CROCC2: variants seen among roughly 807,000 people sequenced by gnomAD.
CROCC2 encodes the protein ciliary rootlet coiled-coil protein 2.
CROCC2 carries 163 observed loss-of-function variants against 177.6 expected under a neutral mutation model. The ratio of observed to expected loss-of-function variants is 0.92; its 90% CI spans 0.81 to 1.05. The LOEUF (loss-of-function observed/expected upper bound fraction) is 1.05. Ranked by LOEUF, CROCC2 falls within the 50% of genes least tolerant of loss-of-function variation. The pLI is 0.00. For synonymous variants in CROCC2, 904 were observed against 787.3 expected (o/e 1.15, Z -2.48); for missense variants, 1,929 against 1,797.8 (o/e 1.07, Z -1.32).
chr2:240,918,593 C>T lies in CROCC2; in HGVS notation c.79-133C>T, dbSNP rs552830014. On this transcript the variant is annotated intron_variant, in intron 1 of 31. Transcript: ENST00000690015. The surrounding 1 kb of genome is among the most constrained non-coding windows in gnomAD (Gnocchi z 6.3). ...TGCGCCTGAGTGACCTGCCCAGCCT[C>T]ACCCTGTCCTCTCCAGGGCACTCTG... The T allele has an allele frequency of 1.2e-4, 55 of 446,758 alleles. 1 individual carries two copies. The South Asian group carries it at 3.4e-3, about 27-fold the overall frequency. The allele number at this position is 446,758 out of a possible 1,614,324, so 27.7% of individuals were successfully genotyped here. A position where few individuals can be genotyped will look rare whatever the true frequency, so the allele number is the denominator to read the frequency against.
At chr2:240,919,033 GGGC>G (rs1559589530) in intron 2 of CROCC2, among the ~76,000 whole-genome samples, 157 bp downstream of exon 2, 1 of 23,790 alleles carries the variant, frequency 4.2e-5, no homozygotes, top group African/African-American at 1.3e-4. Context: ...CCTGGGCCCG[GGGC>G]TGGGCAAGGT....
At chr2:240,922,789 G>A (rs1325907916) in intron 4 of CROCC2, 144 bp downstream of exon 4, 2 of 476,040 alleles carry the variant, frequency 4.2e-6, no homozygotes, top group Non-Finnish European at 7.5e-6. Context: ...GCCAACCCAG[G>A]CCTCCATGGC....
chr2:240,981,415 C>G (rs1424129795), intron 27 of CROCC2: 2 of 152,282 alleles, frequency 1.3e-5, no homozygotes, highest in African/African-American at 2.4e-5. Context: ...GTTTTGCCAG[C>G]CTGCCTCTCA....
At chr2:240,935,326 G>A (rs1360772105) in intron 13 of CROCC2, 32 bp from the exon 14 acceptor site, 2 of 1,337,030 alleles carry the variant, frequency 1.5e-6, no homozygotes, top group East Asian at 3.0e-5. Context: ...GATGGGGGGA[G>A]TGGATGCAGA....
chr2:240,950,646 T>A, intron 18 of CROCC2, 136 bp downstream of exon 18: 29 of 835,668 alleles, frequency 3.5e-5, no homozygotes, highest in South Asian at 5.9e-5. Flanking sequence ...CATCCATCCA[T>A]CCAACCATCC....
intron 14 of CROCC2, among the ~76,000 whole-genome samples, chr2:240,943,569 C>A (rs1424821133): frequency 1.3e-5 from 2 of 150,696 alleles, no homozygotes; most frequent in African/African-American, 2.4e-5. Context: ...CTCACTGCAA[C>A]CTCCGCCTCC....
intron 14 of CROCC2, among the ~76,000 whole-genome samples, chr2:240,942,055 G>A (rs752094755): frequency 4.6e-5 from 7 of 152,198 alleles, no homozygotes; most frequent in Non-Finnish European, 8.8e-5. Context: ...GAACCTGCCA[G>A]CACCTTGATT....
At chr2:240,979,009 G>T (rs71350900) in intron 27 of CROCC2, among the ~76,000 whole-genome samples, 1 of 6,088 alleles carries the variant, frequency 1.6e-4, no homozygotes, top group Admixed American at 1.2e-3. Context: ...AGCCTCAGGA[G>T]CCCAGGCTCA....
chr2:240,951,081 A>C (rs1192056745), intron 18 of CROCC2, among the ~76,000 whole-genome samples: 1 of 146,666 alleles, frequency 6.8e-6, no homozygotes. Flanking sequence ...TCACCTCCTC[A>C]TCCATCCATC....
intron 25 of CROCC2, among the ~76,000 whole-genome samples, chr2:240,966,613 C>A (rs1327433049): frequency 1.3e-5 from 2 of 152,104 alleles, no homozygotes; most frequent in Non-Finnish European, 2.9e-5. Flanking sequence ...TTCCTTATAC[C>A]AGGCTGAAAA....
chr2:240,931,195 C>T (rs1559594411), intron 7 of CROCC2, 67 bp downstream of exon 7: 7 of 647,408 alleles, frequency 1.1e-5, no homozygotes, highest in South Asian at 8.7e-5. Context: ...TCCAGCGTGC[C>T]GAGCAGCTGT....
Position 240,991,187 on chromosome 2 carries a change from T to C in CROCC2, c.4864-9T>C, listed in dbSNP as rs1157284701. 1.3e-6 allele frequency: 2 copies of C among 1,542,396 alleles called. No individual in the cohort carries two copies. The highest frequency in any genetic ancestry group is 2.7e-5 in the African/African-American group (2 of 72,884). The stretch of plus-strand genomic sequence containing the variant: ...GCCCACCTGACCTGAGCCACTGTCC[T>C]GTCCCCAGGTGGCCAGCCTGAAGGA... On this transcript the variant is annotated splice_polypyrimidine_tract_variant and intron_variant, in intron 30 of 31. Coordinates refer to ENST00000690015, the MANE Select transcript of CROCC2 (RefSeq NM_001351305.2).
rs1344270100 is a variant in CROCC2 at position 240,968,014 on chromosome 2, T to C, written c.4268-115T>C. 2.7e-6 allele frequency: 3 copies of C among 1,130,420 alleles called. No homozygotes were observed. In the East Asian group the frequency reaches 9.1e-5, roughly 34 times the overall value. 70.0% of individuals were successfully genotyped at this position (1,130,420 alleles called of 1,614,324 possible). A position where few individuals can be genotyped will look rare whatever the true frequency, so the allele number is the denominator to read the frequency against. On this transcript the variant is annotated intron_variant, in intron 26 of 31. Transcript: ENST00000690015. Reference sequence around the variant, plus strand: ...CCCCAGGACCCTTGAGCTGCAAGGATGGACCCCCACCTCCACGTGGGAGCC... The same window carrying C: ...CCCCAGGACCCTTGAGCTGCAAGGACGGACCCCCACCTCCACGTGGGAGCC...
intron 1 of CROCC2, among the ~76,000 whole-genome samples, chr2:240,915,458 G>A (rs2059314179): frequency 6.6e-6 from 1 of 152,202 alleles, no homozygotes; most frequent in Admixed American, 6.5e-5. Context: ...CTCAGCCCCT[G>A]GCCCTGGGAT....
rs545826004 is a variant in CROCC2, at chr2:240,974,432, C to T, written c.4401+6170C>T. 8.6e-5 allele frequency among the ~76,000 whole-genome samples: 13 copies of T among 151,314 alleles called. No individual in the cohort carries two copies. The South Asian group carries it at 2.7e-3, about 32-fold the overall frequency. Reference sequence around the variant, plus strand: ...TTTCGGCTCACTGCAGTCTCTACCTCCTGGGCTCAAGCGATCCTCCCACTT... The same window carrying T: ...TTTCGGCTCACTGCAGTCTCTACCTTCTGGGCTCAAGCGATCCTCCCACTT... On this transcript the variant is annotated intron_variant, in intron 27 of 31. Transcript: ENST00000690015.
At chr2:240,920,169 G>A (rs2059349581) in intron 3 of CROCC2, 35 bp downstream of exon 3, 1 of 622,268 alleles carries the variant, frequency 1.6e-6, no homozygotes, top group Non-Finnish European at 2.9e-6. Context: ...GCAGGCGGGA[G>A]GTGGCAGCCT....
rs1220304764 is a variant in CROCC2, at chr2:240,961,929, GCA to G, written c.3088-1620_3088-1619del. On this transcript the variant is annotated intron_variant, in intron 20 of 31. Transcript: ENST00000690015. ...AGTGCATGCACAGGCATACGGACGT[GCA>G]CACACATGCATGCACACACACGTAT... Among the ~76,000 whole-genome samples the G allele has an allele frequency of 2.0e-5, 3 of 146,394 alleles. No homozygotes were observed. The Admixed American group carries it at 2.1e-4, about 10-fold the overall frequency.
In CROCC2 at chr2:240,961,395, C is replaced by T. The variant is rs114855697; in HGVS notation, c.3087+1951C>T. ...ATGGACACCACACAGTGCACACAGGCGTGCACAGAAACGTGCACCAAGCAC... is the reference window on the plus strand; with the variant it reads ...ATGGACACCACACAGTGCACACAGGTGTGCACAGAAACGTGCACCAAGCAC... On this transcript the variant is annotated intron_variant, in intron 20 of 31. Coordinates refer to ENST00000690015, the MANE Select transcript of CROCC2 (RefSeq NM_001351305.2). 6.6e-3 allele frequency among the ~76,000 whole-genome samples: 1,002 copies of T among 151,988 alleles called. 7 individuals carry two copies. Among genetic ancestry groups the T allele is most frequent in the African/African-American group, 0.023 (950 of 41,452 alleles).
At chr2:240,952,483 G>A (rs986429197) in intron 18 of CROCC2, among the ~76,000 whole-genome samples, 8 of 152,228 alleles carry the variant, frequency 5.3e-5, no homozygotes, top group African/African-American at 1.9e-4. Flanking sequence ...GTCCACAAAT[G>A]TTGAATGCCT....
Sources: gnomAD v4.1 joint callset for allele counts (sites outside exome capture counted in the v4.1 genomes callset) on GRCh38, gnomAD v4.1.1 for gene constraint, Gnocchi (gnomAD v3.1) non-coding constraint, MANE v1.5 for transcripts, NCBI Gene and HGNC (gene_info 2026-07-23, HGNC 2026-07-21) for gene names.